SEPTIN5: variants seen among roughly 807,000 people sequenced by gnomAD.
The protein encoded by SEPTIN5 is septin 5, also known as septin-5.
A neutral mutation model predicts 51.2 loss-of-function variants in SEPTIN5; 16 were observed. That is an observed-to-expected ratio of 0.31 (90% CI 0.21 to 0.47). SEPTIN5 has a LOEUF of 0.47. SEPTIN5 is among the 20% of genes least tolerant of loss of function. The pLI, the probability that SEPTIN5 is intolerant of heterozygous loss-of-function variation, is 0.99. For synonymous variants in SEPTIN5, 208 were observed against 191.2 expected (o/e 1.09, Z -0.72); for missense variants, 376 against 500.3 (o/e 0.75, Z 2.37).
rs147204339 is a variant in SEPTIN5 at position 19,721,530 on chromosome 22, T to G, written c.718-110T>G. On this transcript the variant is annotated intron_variant, in intron 8 of 11. Coordinates refer to ENST00000455784, the MANE Select transcript of SEPTIN5 (RefSeq NM_002688.6). ...ACGCCAGGATCTCTTTGAGGAGAGA[T>G]AGTTGATGGTGATGCTGGAGGGGTG... is the stretch of plus-strand genomic sequence containing the variant. 273 of 1,139,522 alleles carry G rather than the reference T, an allele frequency of 2.4e-4. 2 individuals are homozygous for G. In the East Asian group the frequency reaches 3.4e-3, roughly 14 times the overall value. 70.6% of individuals were successfully genotyped at this position (1,139,522 alleles called of 1,614,324 possible).
In SEPTIN5 at chr22:19,720,467, C is replaced by G. The variant is rs753528721; in HGVS notation, c.497+13C>G. 2.5e-6 allele frequency: 4 copies of G among 1,613,326 alleles called. No homozygotes were observed. The highest frequency in any genetic ancestry group is 3.4e-6 in the Non-Finnish European group (4 of 1,179,738). On this transcript the variant is annotated intron_variant, in intron 6 of 11. Coordinates refer to ENST00000455784, the MANE Select transcript of SEPTIN5 (RefSeq NM_002688.6). Reference sequence around the variant, plus strand: ...CCTTCGGGCATGGGTGTGTGGCTGTCCTGGGGCCAGGCTCGGGAGTGCAGC... The same window carrying G: ...CCTTCGGGCATGGGTGTGTGGCTGTGCTGGGGCCAGGCTCGGGAGTGCAGC...
In SEPTIN5 at chr22:19,720,843, T is replaced by G; in HGVS notation, c.691T>G (p.Phe231Val). 1 of 1,613,666 alleles carries G rather than the reference T, an allele frequency of 6.2e-7. No homozygotes were observed. The highest frequency in any genetic ancestry group is 1.7e-5 in the Admixed American group (1 of 60,012). ...GTGTGACTCGGACGAGGATGAGGAC[T>G]TCAAGCAGCAGGACCGGGAACTGAA... ...PECDSDEDEDFKQQDRELKES... is the reference protein window; with the variant it reads ...PECDSDEDEDVKQQDRELKES... The change falls in exon 8 of 12, where the codon TTC becomes GTC. Residue 231 changes from phenylalanine (F) to valine (V), a missense_variant. By Grantham distance (50) the Phe-to-Val change is conservative. Transcript: ENST00000455784.
rs754793103 is a variant in SEPTIN5 at position 19,719,619 on chromosome 22, C to T, written c.72C>T (p.Tyr24=). The change falls in exon 3 of 12, where the codon TAC becomes TAT. Residue 24 remains tyrosine, a synonymous_variant. Transcript: ENST00000455784. ...PEDKQDIDKQ[Y]VGFATLPNQV... is the part of the protein sequence containing the mutation. ...GTCCCCAGGACATTGACAAGCAGTA[C>T]GTGGGCTTCGCCACACTGCCCAACC... The T allele has an allele frequency of 5.0e-6, 8 of 1,612,704 alleles. No individual in the cohort carries two copies. Among genetic ancestry groups the T allele is most frequent in the Admixed American group, 3.3e-5 (2 of 59,988 alleles).
chr22:19,715,525 C>T (rs1313212770), intron 2 of SEPTIN5, among the ~76,000 whole-genome samples: 1 of 152,256 alleles, frequency 6.6e-6, no homozygotes, highest in East Asian at 1.9e-4. Flanking sequence ...GGGCTGACAA[C>T]CAGGTGGGCT....
intron 2 of SEPTIN5, chr22:19,719,195 C>T: frequency 4.4e-6 from 1 of 225,018 alleles, no homozygotes; most frequent in Admixed American, 5.7e-5. Flanking sequence ...CTCCCGCCCC[C>T]TGGCACTCTC....
chr22:19,722,300 C>T lies in SEPTIN5; in HGVS notation c.1014C>T (p.Asp338=), dbSNP rs762447478. 1.9e-6 allele frequency: 3 copies of T among 1,611,498 alleles called. No individual in the cohort carries two copies. Among genetic ancestry groups the T allele is most frequent in the East Asian group, 2.2e-5 (1 of 44,864 alleles). The change falls in exon 11 of 12, where the codon GAC becomes GAT. Residue 338 remains aspartate (D), a synonymous_variant. Coordinates refer to ENST00000455784, the MANE Select transcript of SEPTIN5 (RefSeq NM_002688.6). ...CGATCCTGCCGCTGCCCACCCCGGACGCCGAGACTGAGAAGCTTATCAGGA... is the reference window on the plus strand; with the variant it reads ...CGATCCTGCCGCTGCCCACCCCGGATGCCGAGACTGAGAAGCTTATCAGGA... ...PIPILPLPTP[D]AETEKLIRMK... is the part of the protein sequence containing the mutation.
Position 19,723,283 on chromosome 22 carries a change from C to G in SEPTIN5, c.*799C>G, listed in dbSNP as rs1936090574. The G allele has an allele frequency of 1.4e-6, 1 of 694,208 alleles. No individual in the cohort carries two copies. Among genetic ancestry groups the G allele is most frequent in the South Asian group, 1.5e-5 (1 of 66,694 alleles). The allele number at this position is 694,208 out of a possible 1,614,324, so 43.0% of individuals were successfully genotyped here. On this transcript the variant is annotated 3_prime_UTR_variant, in exon 12 of 12. Coordinates refer to ENST00000455784, the MANE Select transcript of SEPTIN5 (RefSeq NM_002688.6). ...TTTCTTCCGTTGTGAATGCCGCGTC[C>G]TGTCCTGGTGACAGGAGAACAATGT...
In SEPTIN5 at chr22:19,721,732, G is replaced by A; in HGVS notation, c.810G>A (p.Val270=). 2 of 1,608,282 alleles carry A rather than the reference G, an allele frequency of 1.2e-6. No homozygotes were observed. The highest frequency in any genetic ancestry group is 1.7e-6 in the Non-Finnish European group (2 of 1,176,788). Residue 270 remains valine, a synonymous_variant, in exon 9 of 12, where the codon GTG becomes GTA. Transcript: ENST00000455784. ...VRGRLYPWGI[V]EVENQAHCDF... ...GCCGACTGTACCCCTGGGGGATCGT[G>A]GAGGGTGAGTAGAGTCTTGGGGTAC...
At chr22:19,716,958 A>C (rs1935919358) in intron 2 of SEPTIN5, among the ~76,000 whole-genome samples, 1 of 152,170 alleles carries the variant, frequency 6.6e-6, no homozygotes, top group Non-Finnish European at 1.5e-5. Flanking sequence ...GGCTGGGGCC[A>C]GTGAGGAGGC....
rs1935999519 is a variant in SEPTIN5, at chr22:19,720,223, TCAA to T, written c.353_355del (p.Asn118del). 1.2e-6 allele frequency: 2 copies of T among 1,613,402 alleles called. No individual in the cohort carries two copies. The highest frequency in any genetic ancestry group is 1.7e-5 in the Admixed American group (1 of 59,996). Reference sequence around the variant, plus strand: ...GACACGCCGGGATTCGGGGACGCTGTCAACAACACCGAGTGGTGAGTGAGGCCT... The same window carrying T: ...GACACGCCGGGATTCGGGGACGCTGTCAACACCGAGTGGTGAGTGAGGCCT... On this transcript the variant is annotated inframe_deletion, in exon 5 of 12. Transcript: ENST00000455784.
chr22:19,720,663 G>A lies in SEPTIN5; in HGVS notation c.612G>A (p.Glu204=). Residue 204 remains glutamate (E), a synonymous_variant, in exon 7 of 12, where the codon GAG becomes GAA. Coordinates refer to ENST00000455784, the MANE Select transcript of SEPTIN5 (RefSeq NM_002688.6). The stretch of plus-strand genomic sequence containing the variant: ...CCAGTGAGATCCGGAAGCTGAAGGA[G>A]CGGGTGAGCCTGCCGTCGCACAGGG... ...LVPSEIRKLK[E]RIREEIDKFG... The A allele has an allele frequency of 6.2e-7, 1 of 1,612,956 alleles. No homozygotes were observed. The highest frequency in any genetic ancestry group is 8.5e-7 in the Non-Finnish European group (1 of 1,180,024).
At chr22:19,717,516 C>A in intron 2 of SEPTIN5, 1 of 353,548 alleles carries the variant, frequency 2.8e-6, no homozygotes. Context: ...CCACCCCCAC[C>A]CCTGTCTCTG....
intron 10 of SEPTIN5, 134 bp downstream of exon 10, chr22:19,722,091 C>T: frequency 8.0e-7 from 1 of 1,257,250 alleles, no homozygotes; most frequent in South Asian, 1.5e-5. Context: ...TCCCCCAGAG[C>T]CTGGTCTCCC....
rs759772396 is a variant in SEPTIN5, at chr22:19,720,098, T to C, written c.239-17T>C. ...CTGAGGGTTGGAGAGGCCCTTCCAG[T>C]GGCCCCTTCCCCGTAGAGCGCATCA... On this transcript the variant is annotated splice_polypyrimidine_tract_variant and intron_variant, in intron 4 of 11. Coordinates refer to ENST00000455784, the MANE Select transcript of SEPTIN5 (RefSeq NM_002688.6). 2 of 1,612,842 alleles carry C rather than the reference T, an allele frequency of 1.2e-6. No individual in the cohort carries two copies. Among genetic ancestry groups the C allele is most frequent in the Admixed American group, 3.3e-5 (2 of 60,018 alleles).
At chr22:19,718,953 G>C in intron 2 of SEPTIN5, 1 of 940,922 alleles carries the variant, frequency 1.1e-6, no homozygotes, top group South Asian at 5.5e-5. Flanking sequence ...GGCCTCGCAG[G>C]TCCGCGGCCC....
At chr22:19,717,462 G>T in intron 2 of SEPTIN5, 1 of 412,706 alleles carries the variant, frequency 2.4e-6, no homozygotes. Flanking sequence ...ATGCTCAGAG[G>T]GCAAGGGAAT....
In SEPTIN5 at chr22:19,717,083, C is replaced by A. The variant is rs917210666; in HGVS notation, c.54+2292C>A. On this transcript the variant is annotated intron_variant, in intron 2 of 11. Coordinates refer to ENST00000455784, the MANE Select transcript of SEPTIN5 (RefSeq NM_002688.6). Reference sequence around the variant, plus strand: ...CCAGCTGTGGGCCTGCCCCTCCTCCCCAGGTGCCAGTGGTCCAGGCCCCAC... The same window carrying A: ...CCAGCTGTGGGCCTGCCCCTCCTCCACAGGTGCCAGTGGTCCAGGCCCCAC... The A allele has an allele frequency of 1.3e-5, 4 of 319,418 alleles. No homozygotes were observed. The Admixed American group carries it at 1.7e-4, about 14-fold the overall frequency. The allele number at this position is 319,418 out of a possible 1,614,324, so 19.8% of individuals were successfully genotyped here. A position where few individuals can be genotyped will look rare whatever the true frequency, so the allele number is the denominator to read the frequency against.
intron 2 of SEPTIN5, among the ~76,000 whole-genome samples, chr22:19,716,913 A>G (rs1935918944): frequency 6.6e-6 from 1 of 152,234 alleles, no homozygotes; most frequent in Admixed American, 6.5e-5. Flanking sequence ...GGTGGGACTC[A>G]GCCTAGAGGC....
intron 2 of SEPTIN5, chr22:19,717,761 T>G: frequency 3.9e-6 from 1 of 257,166 alleles, no homozygotes; most frequent in Non-Finnish European, 7.7e-6. Flanking sequence ...TGGGAAAGAG[T>G]CCACCAAACA....
Sources: allele counts gnomAD v4.1 joint callset (sites outside exome capture counted in the v4.1 genomes callset), GRCh38; gene constraint gnomAD v4.1.1; transcripts MANE v1.5; gene names NCBI Gene and HGNC (gene_info 2026-07-23, HGNC 2026-07-21).